Variants in DOCK9 observed in about 807,000 individuals in gnomAD.
The protein encoded by DOCK9 is dedicator of cytokinesis 9.
A neutral mutation model predicts 263.3 loss-of-function variants in DOCK9; 89 were observed. The observed-to-expected ratio is 0.34, with a 90% CI of 0.28 to 0.40. The LOEUF is 0.40. Ranked by LOEUF, DOCK9 falls within the 10% of genes least tolerant of loss-of-function variation. The pLI, the probability that DOCK9 is intolerant of heterozygous loss-of-function variation, is 1.00. For missense variants in DOCK9, 2,140 were observed against 2,603.4 expected (o/e 0.82, Z 3.87); for synonymous variants, 976 against 973.1 (o/e 1.00, Z -0.06).
At position 98,954,996 on chromosome 13, in the gene DOCK9, T is replaced by C. The variant is rs540451902; in HGVS notation, c.243+439A>G. ...AGAATATAAAATAACTTTTCTTTCT[T>C]AAATAACATCTTATTTTCATCTTTT... On this transcript the variant is annotated intron_variant, in intron 2 of 52. Transcript: ENST00000682017. 1.3e-5 allele frequency among the ~76,000 whole-genome samples: 2 copies of C among 152,170 alleles called. 1 individual carries two copies. The highest frequency in any genetic ancestry group is 4.1e-4 in the South Asian group (2 of 4,826).
intron 9 of DOCK9, 61 bp downstream of exon 9, chr13:98,914,267 G>T: frequency 7.2e-7 from 1 of 1,387,518 alleles, no homozygotes; most frequent in Non-Finnish European, 1.0e-6. Context: ...GGACAAACCA[G>T]TGAAATGAGA....
At chr13:99,012,438 T>C (rs1174912699) in intron 1 of DOCK9, among the ~76,000 whole-genome samples, 1 of 152,132 alleles carries the variant, frequency 6.6e-6, no homozygotes, top group Non-Finnish European at 1.5e-5. Flanking sequence ...CCACAAAGGC[T>C]TGGTGCACAC....
Position 98,934,367 on chromosome 13 carries a change from G to A in DOCK9, c.244-4110C>T, listed in dbSNP as rs115936757. ...GCCCCACCATCTCCCAGCTGGTCTC[G>A]GCCATTGCAGGCGAGATACTACAAT... On this transcript the variant is annotated intron_variant, in intron 2 of 52. Transcript: ENST00000682017. Among the ~76,000 whole-genome samples, 604 of 152,242 alleles carry A rather than the reference G, an allele frequency of 4.0e-3. 4 individuals carry two copies. The highest frequency in any genetic ancestry group is 0.014 in the African/African-American group (571 of 41,554).
intron 3 of DOCK9, among the ~76,000 whole-genome samples, chr13:98,927,287 A>G (rs2140209649): frequency 6.6e-6 from 1 of 152,352 alleles, no homozygotes; most frequent in South Asian, 2.1e-4. Flanking sequence ...AGTATCATAC[A>G]TTCACACTCA....
At chr13:99,040,503 A>T (rs553054016) in intron 1 of DOCK9, among the ~76,000 whole-genome samples, 19 of 152,266 alleles carry the variant, frequency 1.2e-4, no homozygotes, top group Middle Eastern at 3.4e-3. Flanking sequence ...TATAAATTTT[A>T]AAAAAAATTG....
intron 43 of DOCK9, among the ~76,000 whole-genome samples, chr13:98,828,905 A>C (rs2092651268): frequency 6.6e-6 from 1 of 152,218 alleles, no homozygotes; most frequent in African/African-American, 2.4e-5. Context: ...TGGAATACCT[A>C]CTGCATCCAC....
chr13:98,962,271 C>G (rs898180499), intron 1 of DOCK9, among the ~76,000 whole-genome samples: 19 of 152,164 alleles, frequency 1.2e-4, no homozygotes, highest in Admixed American at 3.3e-4. Flanking sequence ...CCCTGGATTT[C>G]TGGTGTTTAT....
At chr13:99,003,547 G>A (rs1882774551) in intron 1 of DOCK9, among the ~76,000 whole-genome samples, 1 of 152,166 alleles carries the variant, frequency 6.6e-6, no homozygotes, top group African/African-American at 2.4e-5. Flanking sequence ...CAAGATGTCT[G>A]GAACTGAAAT....
intron 27 of DOCK9, among the ~76,000 whole-genome samples, chr13:98,874,411 T>C (rs928268125): frequency 6.6e-6 from 1 of 152,240 alleles, no homozygotes; most frequent in Non-Finnish European, 1.5e-5. Context: ...ATTTGGGTTG[T>C]TTCTAGTTTT....
intron 2 of DOCK9, among the ~76,000 whole-genome samples, chr13:98,943,751 A>T (rs990408935): frequency 1.7e-4 from 24 of 143,704 alleles, no homozygotes; most frequent in Admixed American, 1.4e-4. Flanking sequence ...TTTACAATTT[A>T]AAAAAAAATT....
chr13:98,823,951 G>A (rs931358570), intron 45 of DOCK9, among the ~76,000 whole-genome samples: 1 of 152,202 alleles, frequency 6.6e-6, no homozygotes, highest in African/African-American at 2.4e-5. Flanking sequence ...CTAGACAGGG[G>A]TTGCTATGAC....
chr13:98,939,773 G>A (rs1178413845), intron 2 of DOCK9, among the ~76,000 whole-genome samples: 1 of 152,218 alleles, frequency 6.6e-6, no homozygotes, highest in Non-Finnish European at 1.5e-5. Flanking sequence ...CAAATGGAGA[G>A]CATCCACGTC....
intron 1 of DOCK9, among the ~76,000 whole-genome samples, chr13:99,072,827 A>G (rs2041739836): frequency 6.6e-6 from 1 of 152,068 alleles, no homozygotes. Context: ...GCAAAACTCC[A>G]TCTCTACAAA....
chr13:98,853,490 C>T lies in DOCK9; in HGVS notation c.3864G>A (p.Val1288=), dbSNP rs751041613. The part of the protein sequence containing the change: ...HQQSSTLGNS[V]VRCDKLDQSE... ...ACTGGTCAAGTTTATCACAGCGAACCACGGAATTTCCCAATGTGCTACTTT... is the reference window on the plus strand; with the variant it reads ...ACTGGTCAAGTTTATCACAGCGAACTACGGAATTTCCCAATGTGCTACTTT... Residue 1288 remains valine, a synonymous_variant, in exon 35 of 53, where the codon GTG becomes GTA. Coordinates refer to ENST00000682017, the MANE Select transcript of DOCK9 (RefSeq NM_001366683.2). The T allele has an allele frequency of 2.5e-6, 4 of 1,613,592 alleles. No individual in the cohort carries two copies. In the East Asian group the frequency reaches 6.7e-5, roughly 27 times the overall value.
chr13:99,046,424 G>C (rs1264215033), intron 1 of DOCK9, among the ~76,000 whole-genome samples: 1 of 152,200 alleles, frequency 6.6e-6, no homozygotes, highest in Non-Finnish European at 1.5e-5. Flanking sequence ...GTAGTTTGTT[G>C]GTTTTGAGGT....
chr13:98,998,072 A>T (rs1209737684), intron 1 of DOCK9, among the ~76,000 whole-genome samples: 3 of 152,208 alleles, frequency 2.0e-5, no homozygotes, highest in Non-Finnish European at 4.4e-5. Flanking sequence ...GACACCTGCC[A>T]TTCTCCTCAG....
At chr13:99,076,019 G>A in intron 1 of DOCK9, among the ~76,000 whole-genome samples, 1 of 152,164 alleles carries the variant, frequency 6.6e-6, no homozygotes, top group East Asian at 1.9e-4. Context: ...CTCAAAGAAA[G>A]AGAGGCAGGA....
At position 99,064,866 on chromosome 13, in the gene DOCK9, A is replaced by T. The variant is rs555176652; in HGVS notation, c.129+21357T>A. Among the ~76,000 whole-genome samples, 9 of 152,296 alleles carry T rather than the reference A, an allele frequency of 5.9e-5. No homozygotes were observed. In the South Asian group the frequency reaches 1.7e-3, roughly 28 times the overall value. ...GTTCTACCCTAAACACTCTCTAAAA[A>T]ATGAAGGCCCCCTAATAGCTCACTG... On this transcript the variant is annotated intron_variant, in intron 1 of 32. Coordinates refer to the DOCK9 transcript ENST00000427887.
Position 98,871,950 on chromosome 13 carries a change from G to C in DOCK9, c.2944-3573C>G, listed in dbSNP as rs1238852591. ...TACCAACTGACTCCTCGAATGAACG[G>C]GATCTCCCTGAAGACCCACACTCAG... On this transcript the variant is annotated intron_variant, in intron 27 of 52. Coordinates refer to ENST00000682017, the MANE Select transcript of DOCK9 (RefSeq NM_001366683.2). 2.6e-5 allele frequency: 4 copies of C among 152,940 alleles called. No individual in the cohort carries two copies. In the East Asian group the frequency reaches 7.7e-4, roughly 29 times the overall value. 9.5% of individuals were successfully genotyped at this position (152,940 alleles called of 1,614,324 possible). A position where few individuals can be genotyped will look rare whatever the true frequency, so the allele number is the denominator to read the frequency against.
Sources: gnomAD v4.1 joint callset for allele counts (sites outside exome capture counted in the v4.1 genomes callset) on GRCh38, gnomAD v4.1.1 for gene constraint, MANE v1.5 for transcripts, NCBI Gene and HGNC (gene_info 2026-07-23, HGNC 2026-07-21) for gene names.